Variants in SDK1 observed in about 807,000 individuals in gnomAD.
The protein encoded by SDK1 is sidekick cell adhesion molecule 1, also known as protein sidekick-1.
Under a neutral mutation model 245.5 loss-of-function variants are expected in SDK1, and 157 were observed. That is an observed-to-expected ratio of 0.64 (90% CI 0.56 to 0.73). The LOEUF (loss-of-function observed/expected upper bound fraction) is 0.73, where lower values mean the gene tolerates loss of function less well. SDK1 is among the 30% of genes least tolerant of loss of function. SDK1 has a pLI of 0.00. For synonymous variants in SDK1, 1,647 were observed against 1,278.5 expected, an observed-to-expected ratio of 1.29 and a Z score of -6.15; for missense variants, 3,583 against 3,002.3, an observed-to-expected ratio of 1.19 and a Z score of -4.52.
intron 1 of SDK1, among the ~76,000 whole-genome samples, chr7:3,378,821 C>T (rs375033591): frequency 7.6e-6 from 1 of 131,754 alleles, no homozygotes; most frequent in South Asian, 2.5e-4. Context: ...GCTGGGGGGC[C>T]GGCGGGGTGG....
chr7:3,670,287 G>A (rs1022166908), intron 4 of SDK1, among the ~76,000 whole-genome samples: 1 of 152,098 alleles, frequency 6.6e-6, no homozygotes, highest in Non-Finnish European at 1.5e-5. Flanking sequence ...GTGTAATTCA[G>A]TTCCTTCCCT....
chr7:3,722,610 C>T (rs144901151), intron 4 of SDK1, among the ~76,000 whole-genome samples: 18 of 152,292 alleles, frequency 1.2e-4, no homozygotes, highest in African/African-American at 3.6e-4. Flanking sequence ...GCACGCTGCA[C>T]AATTCCGGAC....
chr7:3,964,228 C>T (rs945869676), intron 9 of SDK1, among the ~76,000 whole-genome samples: 4 of 152,178 alleles, frequency 2.6e-5, no homozygotes, highest in African/African-American at 9.7e-5. Flanking sequence ...CTCAAGCACA[C>T]CTGAAGCCTT....
chr7:4,136,764 G>A (rs978568856), intron 28 of SDK1, among the ~76,000 whole-genome samples: 2 of 152,256 alleles, frequency 1.3e-5, no homozygotes, highest in Non-Finnish European at 2.9e-5. Flanking sequence ...CTGCCAGCAG[G>A]AGGGCCTAAC....
At chr7:3,609,425 G>T (rs376584023) in intron 1 of SDK1, among the ~76,000 whole-genome samples, 1 of 152,058 alleles carries the variant, frequency 6.6e-6, no homozygotes, top group Admixed American at 6.6e-5. Flanking sequence ...TTTTGAGACA[G>T]AGTCTCACTC....
intron 1 of SDK1, among the ~76,000 whole-genome samples, chr7:3,438,855 T>C (rs1473301438): frequency 1.7e-5 from 1 of 58,258 alleles, no homozygotes; most frequent in Non-Finnish European, 5.1e-5. Flanking sequence ...TAATATTTTT[T>C]TTTTTTTTTT....
At chr7:4,012,269 C>T (rs1786040568) in intron 16 of SDK1, 34 bp downstream of exon 16, 3 of 1,441,930 alleles carry the variant, frequency 2.1e-6, no homozygotes, top group Non-Finnish European at 1.8e-6. Context: ...CTTTAGGCCG[C>T]CATTAGAGTT....
At chr7:3,355,571 C>A (rs915691263) in intron 1 of SDK1, among the ~76,000 whole-genome samples, 1 of 152,184 alleles carries the variant, frequency 6.6e-6, no homozygotes, top group Admixed American at 6.5e-5. Flanking sequence ...CTTAGATCTT[C>A]CCCATTCTTC....
intron 35 of SDK1, among the ~76,000 whole-genome samples, chr7:4,189,475 G>A (rs1783069057): frequency 1.3e-5 from 2 of 152,326 alleles, no homozygotes; most frequent in South Asian, 4.1e-4. Flanking sequence ...GATGAGAGCC[G>A]AGTGTCCAGC....
chr7:3,381,746 A>G (rs901312222), intron 1 of SDK1, among the ~76,000 whole-genome samples: 2 of 152,158 alleles, frequency 1.3e-5, no homozygotes, highest in African/African-American at 4.8e-5. Flanking sequence ...AAGGCAGGAA[A>G]GGTGTGTGGA....
chr7:4,011,439 C>G (rs978134115), intron 15 of SDK1, among the ~76,000 whole-genome samples: 1 of 152,194 alleles, frequency 6.6e-6, no homozygotes, highest in African/African-American at 2.4e-5. Context: ...TGTTCTTTGT[C>G]CACCCCACTG....
chr7:3,755,462 T>A (rs886345555), intron 4 of SDK1, among the ~76,000 whole-genome samples: 1 of 151,996 alleles, frequency 6.6e-6, no homozygotes, highest in Non-Finnish European at 1.5e-5. Flanking sequence ...TACTGAGAAA[T>A]TTGCCTGGCA....
intron 4 of SDK1, among the ~76,000 whole-genome samples, chr7:3,676,653 C>A (rs368707371): frequency 1.3e-5 from 2 of 152,250 alleles, no homozygotes; most frequent in East Asian, 3.9e-4. Flanking sequence ...AGCTTGAGGT[C>A]TTATATTTAA....
chr7:3,962,065 G>A (rs556372194), intron 8 of SDK1, among the ~76,000 whole-genome samples: 70 of 151,882 alleles, frequency 4.6e-4, no homozygotes, highest in Admixed American at 1.6e-3. Flanking sequence ...GCACACACTC[G>A]CATGAACACA....
intron 1 of SDK1, among the ~76,000 whole-genome samples, chr7:3,585,698 G>A (rs1436501869): frequency 1.3e-5 from 2 of 152,162 alleles, no homozygotes; most frequent in East Asian, 1.9e-4. Context: ...CGGGAGTTTG[G>A]TAGGGGAGGG....
rs189261990 is a variant in SDK1, at chr7:3,641,754, G to A, written c.566-204G>A. 2.7e-3 allele frequency among the ~76,000 whole-genome samples: 417 copies of A among 152,300 alleles called. 3 individuals are homozygous for A. The highest frequency in any genetic ancestry group is 9.8e-3 in the African/African-American group (406 of 41,578). On this transcript the variant is annotated intron_variant, in intron 3 of 44. Coordinates refer to ENST00000404826, the MANE Select transcript of SDK1 (RefSeq NM_152744.4). ...TTGCTGAGGAATGTGCAGCGTGGGC[G>A]CTTTGGAGGCGCGTGGCTTGCCCGG...
At chr7:3,732,804 T>G (rs1779216808) in intron 4 of SDK1, among the ~76,000 whole-genome samples, 1 of 152,242 alleles carries the variant, frequency 6.6e-6, no homozygotes, top group African/African-American at 2.4e-5. Flanking sequence ...GTGAGGCAGT[T>G]CAAGGCTTTA....
intron 1 of SDK1, among the ~76,000 whole-genome samples, chr7:3,447,769 A>C (rs1228630947): frequency 7.3e-6 from 1 of 137,172 alleles, no homozygotes; most frequent in East Asian, 2.1e-4. Flanking sequence ...CAATGGCATG[A>C]TCTCGGCTCA....
rs73674344 is a variant in SDK1 at position 3,920,598 on chromosome 7, C to T, written c.848-30325C>T. ...ACAAAACAGAAGTTCTGCTTGGATT[C>T]GTTGCATTCTAGCTGCCAAGATGGA... On this transcript the variant is annotated intron_variant, in intron 5 of 44. Transcript: ENST00000404826. Among the ~76,000 whole-genome samples the T allele has an allele frequency of 7.1e-3, 1,081 of 152,180 alleles. 15 individuals carry two copies. The highest frequency in any genetic ancestry group is 0.024 in the African/African-American group (1,009 of 41,516).
Sources: allele counts gnomAD v4.1 joint callset (sites outside exome capture counted in the v4.1 genomes callset), GRCh38; gene constraint gnomAD v4.1.1; transcripts MANE v1.5; gene names NCBI Gene and HGNC (gene_info 2026-07-23, HGNC 2026-07-21).